The following USP9X variants were observed in gnomAD, a reference collection of about 807,000 sequenced individuals.
USP9X encodes the protein ubiquitin carboxyl-terminal hydrolase 9X.
Under a neutral mutation model 190.3 loss-of-function variants are expected in USP9X, and 7 were observed. That is an observed-to-expected ratio of 0.04 (90% CI 0.02 to 0.07). The LOEUF (loss-of-function observed/expected upper bound fraction) is 0.07. Among genes scored for constraint, USP9X ranks in the 10% least tolerant of loss-of-function variants. USP9X has a pLI of 1.00. For synonymous variants in USP9X, 645 were observed against 659.5 expected (o/e 0.98, Z 0.34); for missense variants, 1,010 against 1,916.9 (o/e 0.53, Z 8.83).
At chrX:41,207,380 T>G (rs916738207) in intron 32 of USP9X, among the ~76,000 whole-genome samples, 6 of 111,470 alleles carry the variant, frequency 5.4e-5, no homozygotes, top group Non-Finnish European at 1.1e-4. Context: ...CCACTGCACC[T>G]GGCCAATTAT....
At chrX:41,089,444 T>C (rs1483716248) in intron 1 of USP9X, among the ~76,000 whole-genome samples, 1 of 112,341 alleles carries the variant, frequency 8.9e-6, no homozygotes, top group Non-Finnish European at 1.9e-5. Context: ...ATAAATATCT[T>C]GGTTGCCCAA....
intron 11 of USP9X, among the ~76,000 whole-genome samples, 154 bp downstream of exon 11, chrX:41,144,780 C>T (rs1253821697): frequency 9.0e-6 from 1 of 111,457 alleles, no homozygotes; most frequent in African/African-American, 3.3e-5. Flanking sequence ...TCTTTTCCAA[C>T]AAGAACTTGA....
In USP9X at chrX:41,230,505, C is replaced by T. The variant is rs372495933; in HGVS notation, c.7436C>T (p.Pro2479Leu). Residue 2479 changes from proline to leucine, a missense_variant, in exon 44 of 45, where the codon CCA becomes CTA. Physicochemically the swap from Pro to Leu is moderately conservative, Grantham distance 98 (BLOSUM62 -3). Around this residue, in one of 11 missense-constraint regions of USP9X, gnomAD observed 48 missense variants for 60.4 expected, o/e 0.79. Coordinates refer to ENST00000378308, the MANE Select transcript of USP9X (RefSeq NM_001039591.3). ...KACELCPEEE[P>L]DDQDAPDEHE... ...TCTTGAAATATTCAAAATTAGGAGC[C>T]AGATGACCAAGATGCTCCAGATGAA... 2 of 1,206,543 alleles carry T rather than the reference C, an allele frequency of 1.7e-6. No homozygotes were observed. Among genetic ancestry groups the T allele is most frequent in the South Asian group, 1.8e-5 (1 of 56,342 alleles).
intron 14 of USP9X, among the ~76,000 whole-genome samples, chrX:41,161,422 G>A (rs1418367808): frequency 3.5e-5 from 3 of 85,631 alleles, no homozygotes; most frequent in African/African-American, 9.2e-5. Flanking sequence ...TCACTGCAAC[G>A]TCCACCTCCC....
chrX:41,197,942 A>AG (rs1292647674), intron 29 of USP9X, among the ~76,000 whole-genome samples: 2 of 111,908 alleles, frequency 1.8e-5, no homozygotes, highest in African/African-American at 6.5e-5. Context: ...TGAGCCCAGG[A>AG]GGTGGAGGTT....
At chrX:41,171,111 T>G (rs753514311) in intron 20 of USP9X, among the ~76,000 whole-genome samples, 7 of 112,200 alleles carry the variant, frequency 6.2e-5, no homozygotes, top group Admixed American at 1.9e-4. Context: ...TTCAAACTTG[T>G]GTTGTTCAAG....
chrX:41,097,979 A>T (rs1211081129), intron 1 of USP9X, among the ~76,000 whole-genome samples: 1 of 111,633 alleles, frequency 9.0e-6, no homozygotes, highest in East Asian at 2.8e-4. Flanking sequence ...TATAACTTAC[A>T]GTAAAATGCA....
At position 41,146,170 on chromosome X, in the gene USP9X, AT is replaced by A. The variant is rs1216741438; in HGVS notation, c.1419+1545del. Among the ~76,000 whole-genome samples, 6 of 111,762 alleles carry A rather than the reference AT, an allele frequency of 5.4e-5. No individual in the cohort carries two copies. The Admixed American group carries it at 5.7e-4, about 11-fold the overall frequency. On this transcript the variant is annotated intron_variant, in intron 11 of 44. Transcript: ENST00000378308. Reference sequence around the variant, plus strand: ...AAGGGGTTGTTATTATATCTGCTGTATCCCCCCTCTTCTCAGGATAGTCTAA... The same window carrying A: ...AAGGGGTTGTTATTATATCTGCTGTACCCCCCTCTTCTCAGGATAGTCTAA...
intron 26 of USP9X, among the ~76,000 whole-genome samples, chrX:41,190,900 T>C (rs913088173): frequency 8.9e-6 from 1 of 111,965 alleles, no homozygotes; most frequent in African/African-American, 3.2e-5. Flanking sequence ...TTAGGATCTT[T>C]TTGAGTTTTA....
Position 41,224,937 on chromosome X carries a change from C to T in USP9X, c.6947C>T (p.Thr2316Ile). Residue 2316 changes from threonine (T) to isoleucine (I), a missense_variant, in exon 40 of 45, where the codon ACT becomes ATT. By Grantham distance (89) the Thr-to-Ile change is moderately conservative (BLOSUM62 -1). This residue lies in a region of USP9X where 121 missense variants were observed against 281.2 expected (regional missense o/e 0.43). Coordinates refer to ENST00000378308, the MANE Select transcript of USP9X (RefSeq NM_001039591.3). ...TGGGAGAATCCTCAGTTCTCATCTA[C>T]TGTCCTCAGTGAACTTCTCTGGCAG... ...CCWENPQFSS[T>I]VLSELLWQVA... 1.6e-6 allele frequency: 2 copies of T among 1,212,226 alleles called. No individual in the cohort carries two copies. Among genetic ancestry groups the T allele is most frequent in the Non-Finnish European group, 2.2e-6 (2 of 895,555 alleles).
chrX:41,193,215 G>T (rs1256459225), intron 26 of USP9X, among the ~76,000 whole-genome samples: 3 of 111,304 alleles, frequency 2.7e-5, no homozygotes, highest in Admixed American at 9.5e-5. Flanking sequence ...ATAGGTCATT[G>T]TGAAGACATT....
intron 1 of USP9X, among the ~76,000 whole-genome samples, chrX:41,104,878 T>C (rs2062058635): frequency 9.0e-6 from 1 of 111,632 alleles, no homozygotes; most frequent in Admixed American, 9.6e-5. Context: ...GAAAACCTCA[T>C]AGTCTGCAAA....
chrX:41,135,365 C>T (rs1003626618), intron 5 of USP9X, among the ~76,000 whole-genome samples: 2 of 110,884 alleles, frequency 1.8e-5, no homozygotes, highest in African/African-American at 3.3e-5. Context: ...TAAACAGTTT[C>T]GTAGTCTGAA....
chrX:41,122,324 G>A (rs781522829), intron 1 of USP9X, among the ~76,000 whole-genome samples: 13 of 111,882 alleles, frequency 1.2e-4, no homozygotes, highest in Non-Finnish European at 2.3e-4. Context: ...TATGTTAAAA[G>A]TACTTAGAAG....
At chrX:41,206,185 C>T (rs1287214963) in intron 32 of USP9X, among the ~76,000 whole-genome samples, 1 of 111,779 alleles carries the variant, frequency 8.9e-6, no homozygotes, top group African/African-American at 3.3e-5. Context: ...GCCACTGTGC[C>T]CGGCCCCTAC....
intron 26 of USP9X, among the ~76,000 whole-genome samples, chrX:41,193,045 A>G (rs2062951070): frequency 9.0e-6 from 1 of 111,392 alleles, no homozygotes; most frequent in Non-Finnish European, 1.9e-5. Context: ...TTTTAAGCAG[A>G]AAAAACAACA....
chrX:41,228,844 G>T (rs1422076543), intron 41 of USP9X: 1 of 114,067 alleles, frequency 8.8e-6, no homozygotes, highest in Admixed American at 9.3e-5. Flanking sequence ...AAGGCCAGGC[G>T]CAGTGGCTCA....
chrX:41,229,819 G>A lies in USP9X; in HGVS notation c.7431+40G>A, dbSNP rs1410187290. 108 of 1,208,331 alleles carry A rather than the reference G, an allele frequency of 8.9e-5. No individual in the cohort carries two copies. Among genetic ancestry groups the A allele is most frequent in the Non-Finnish European group, 1.1e-4 (98 of 894,590 alleles). On this transcript the variant is annotated intron_variant, in intron 43 of 44. Transcript: ENST00000378308. ...CAGTGTGCAGCAGATAGAAATGGAA[G>A]AGAGCAAAGTAATTCTTTATTTTAT...
chrX:41,085,707 C>T lies in USP9X; in HGVS notation c.-561C>T. On this transcript the variant is annotated 5_prime_UTR_variant, in exon 1 of 45. Coordinates refer to ENST00000378308, the MANE Select transcript of USP9X (RefSeq NM_001039591.3). ...GCGAGCTACTTCAAAGCCACCAGGC[C>T]TGGAGCGGGGACAGAGGCGGCGACT... The T allele has an allele frequency of 3.4e-6, 1 of 297,758 alleles. No homozygotes were observed. The allele number at this position is 297,758 out of a possible 1,213,427, so 24.5% of individuals were successfully genotyped here.
Sources: allele counts gnomAD v4.1 joint callset (sites outside exome capture counted in the v4.1 genomes callset), GRCh38; gene constraint gnomAD v4.1.1; regional missense constraint gnomAD v4.1.1; transcripts MANE v1.5; gene names NCBI Gene and HGNC (gene_info 2026-07-23, HGNC 2026-07-21).